Variants in RNF214 observed in about 807,000 individuals in gnomAD.
RNF214 encodes ring finger protein 214.
RNF214 carries 25 observed loss-of-function variants against 75.9 expected under a neutral mutation model. The observed-to-expected ratio is 0.33, with a 90% CI of 0.24 to 0.46. The LOEUF is 0.46. RNF214 is among the 20% of genes least tolerant of loss of function. The pLI is 1.00. For synonymous variants in RNF214, 314 were observed against 308.8 expected (o/e 1.02, Z -0.18); for missense variants, 725 against 857.5 (o/e 0.85, Z 1.93).
intron 14 of RNF214, among the ~76,000 whole-genome samples, chr11:117,284,168 A>G (rs1322101045): frequency 6.6e-6 from 1 of 152,174 alleles, no homozygotes; most frequent in East Asian, 1.9e-4. Flanking sequence ...TAGCATTGTC[A>G]GAAGACTTTG....
chr11:117,239,252 C>G, intron 3 of RNF214, 141 bp downstream of exon 3: 1 of 745,314 alleles, frequency 1.3e-6, no homozygotes, highest in Non-Finnish European at 2.2e-6. Context: ...TCATACTACT[C>G]TCATACAGTG....
intron 6 of RNF214, among the ~76,000 whole-genome samples, chr11:117,265,760 G>A (rs2033783242): frequency 6.6e-6 from 1 of 152,072 alleles, no homozygotes; most frequent in Non-Finnish European, 1.5e-5. Context: ...GATATAATTT[G>A]TATACAAAAA....
intron 6 of RNF214, among the ~76,000 whole-genome samples, chr11:117,261,750 A>T (rs555088638): frequency 4.6e-5 from 7 of 150,916 alleles, no homozygotes; most frequent in Non-Finnish European, 7.4e-5. Flanking sequence ...GGTTCAAGCA[A>T]TTTTCCTGCC....
intron 6 of RNF214, among the ~76,000 whole-genome samples, chr11:117,272,087 C>T (rs1195785627): frequency 6.6e-6 from 1 of 152,122 alleles, no homozygotes; most frequent in Non-Finnish European, 1.5e-5. Flanking sequence ...GTGCTGGTAG[C>T]CAGGCATGGT....
chr11:117,239,070 G>T lies in RNF214; in HGVS notation c.577G>T (p.Asp193Tyr). 6.2e-7 allele frequency: 1 copy of T among 1,613,836 alleles called. No individual in the cohort carries two copies. The highest frequency in any genetic ancestry group is 8.5e-7 in the Non-Finnish European group (1 of 1,179,910). ...CCGAGTGGATCAGGATGATGATCAAGATAGCTCTTCCCTGAAGCTTTCTCA... is the reference window on the plus strand; with the variant it reads ...CCGAGTGGATCAGGATGATGATCAATATAGCTCTTCCCTGAAGCTTTCTCA... The part of the protein sequence containing the change: ...GVRVDQDDDQ[D>Y]SSSLKLSQNI... The change falls in exon 3 of 15, where the codon GAT (aspartate) becomes TAT (tyrosine). Residue 193 changes from aspartate to tyrosine, a missense_variant. Around this residue, in one of 2 missense-constraint regions of RNF214, gnomAD observed 362 missense variants for 344.5 expected, o/e 1.05. Transcript: ENST00000300650.
At chr11:117,255,411 G>A (rs1199260453) in intron 6 of RNF214, among the ~76,000 whole-genome samples, 1 of 152,062 alleles carries the variant, frequency 6.6e-6, no homozygotes, top group South Asian at 2.1e-4. Flanking sequence ...TCCCCTCTTA[G>A]CCCTTTCCAT....
At chr11:117,252,058 G>A (rs758432949) in intron 6 of RNF214, among the ~76,000 whole-genome samples, 18 of 152,030 alleles carry the variant, frequency 1.2e-4, no homozygotes, top group Non-Finnish European at 2.1e-4. Flanking sequence ...TAGTAGAGAC[G>A]AGGTTTCACC....
At chr11:117,247,756 C>A (rs1265204146) in intron 6 of RNF214, among the ~76,000 whole-genome samples, 16 of 150,616 alleles carry the variant, frequency 1.1e-4, no homozygotes. Context: ...GAAGCTGAGG[C>A]AGGGGAATCG....
chr11:117,232,897 G>T (rs975777253), intron 1 of RNF214, 171 bp downstream of exon 1: 6 of 149,362 alleles, frequency 4.0e-5, no homozygotes, highest in East Asian at 2.0e-4. Flanking sequence ...AGTGGGACGG[G>T]GGGGTGGCTG....
At chr11:117,264,093 C>A (rs1284499697) in intron 6 of RNF214, 2 of 152,884 alleles carry the variant, frequency 1.3e-5, no homozygotes. Context: ...GAGGCCGAGG[C>A]GGGCGGATCA....
At chr11:117,274,655 G>A (rs1012786953) in intron 6 of RNF214, among the ~76,000 whole-genome samples, 30 of 142,584 alleles carry the variant, frequency 2.1e-4, no homozygotes, top group Non-Finnish European at 3.6e-4. Flanking sequence ...AGGCGTGAGC[G>A]ACCGTGCCCA....
intron 6 of RNF214, among the ~76,000 whole-genome samples, chr11:117,263,175 CACAT>C (rs1481398151): frequency 3.3e-5 from 5 of 151,626 alleles, no homozygotes; most frequent in Admixed American, 1.3e-4. Flanking sequence ...TTGTTAGATA[CACAT>C]ACATTTATGA....
intron 6 of RNF214, among the ~76,000 whole-genome samples, chr11:117,266,806 T>A (rs541882457): frequency 1.3e-5 from 2 of 151,902 alleles, no homozygotes; most frequent in Non-Finnish European, 2.9e-5. Flanking sequence ...CTTTGCAATT[T>A]TTTTGTTCTA....
intron 1 of RNF214, among the ~76,000 whole-genome samples, chr11:117,233,507 G>C (rs1045263119): frequency 2.0e-5 from 3 of 152,176 alleles, no homozygotes; most frequent in Admixed American, 6.5e-5. Context: ...CAAGTATTTT[G>C]ATTTTCTTTT....
At chr11:117,260,741 G>A (rs1190497776) in intron 6 of RNF214, among the ~76,000 whole-genome samples, 9 of 149,302 alleles carry the variant, frequency 6.0e-5, no homozygotes, top group South Asian at 2.1e-4. Flanking sequence ...TGCAACCTCC[G>A]CCTCCCAGGT....
chr11:117,259,272 G>C (rs779343192), intron 6 of RNF214, among the ~76,000 whole-genome samples: 1 of 152,118 alleles, frequency 6.6e-6, no homozygotes, highest in East Asian at 1.9e-4. Context: ...GTTGAATAGT[G>C]TTCCTCTTAC....
intron 4 of RNF214, among the ~76,000 whole-genome samples, chr11:117,240,231 TAGTCCTAGCTACTCAGG>T (rs1381777115): frequency 2.6e-5 from 4 of 151,688 alleles, no homozygotes; most frequent in Admixed American, 6.6e-5. Context: ...TGCATGCCTA[TAGTCCTAGCTACTCAGG>T]AGTCCTAGCT....
intron 6 of RNF214, among the ~76,000 whole-genome samples, chr11:117,261,809 C>A (rs1030564399): frequency 4.6e-5 from 7 of 151,588 alleles, no homozygotes; most frequent in Middle Eastern, 3.2e-3. Flanking sequence ...CCATGCCCAG[C>A]TAATTTTTGT....
At chr11:117,283,937 G>A (rs1361238335) in intron 14 of RNF214, among the ~76,000 whole-genome samples, 1 of 152,084 alleles carries the variant, frequency 6.6e-6, no homozygotes, top group Non-Finnish European at 1.5e-5. Flanking sequence ...GATTACATGC[G>A]TGAGCCAGTG....
Sources: allele counts gnomAD v4.1 joint callset (sites outside exome capture counted in the v4.1 genomes callset), GRCh38; gene constraint gnomAD v4.1.1; regional missense constraint gnomAD v4.1.1; transcripts MANE v1.5; gene names NCBI Gene and HGNC (gene_info 2026-07-23, HGNC 2026-07-21).